ARHGAP26: variants seen among roughly 807,000 people sequenced by gnomAD.
The protein encoded by ARHGAP26 is rho GTPase-activating protein 26.
Under a neutral mutation model 104.8 loss-of-function variants are expected in ARHGAP26, and 38 were observed. That is an observed-to-expected ratio of 0.36 (90% CI 0.28 to 0.48). The LOEUF (loss-of-function observed/expected upper bound fraction) is 0.48. Among genes scored for constraint, ARHGAP26 ranks in the 20% least tolerant of loss-of-function variants. ARHGAP26 has a pLI of 0.99. For synonymous variants in ARHGAP26, 341 were observed against 340.0 expected (o/e 1.00, Z -0.03); for missense variants, 704 against 947.9 (o/e 0.74, Z 3.38).
intron 21 of ARHGAP26, among the ~76,000 whole-genome samples, chr5:143,212,571 G>T (rs1809645322): frequency 6.6e-6 from 1 of 152,042 alleles, no homozygotes; most frequent in African/African-American, 2.4e-5. Flanking sequence ...TGTTCCCAGG[G>T]GTCCCACTTC....
intron 20 of ARHGAP26, among the ~76,000 whole-genome samples, chr5:143,183,789 G>T (rs1804746113): frequency 6.6e-6 from 1 of 152,174 alleles, no homozygotes; most frequent in Admixed American, 6.5e-5. Context: ...GAGTCCTGTG[G>T]CTCCTCAGCA....
rs181441533 is a variant in ARHGAP26, at chr5:143,226,182, G to A, written c.*3736G>A. 11 of 185,658 alleles carry A rather than the reference G, an allele frequency of 5.9e-5. No homozygotes were observed. Among genetic ancestry groups the A allele is most frequent in the South Asian group, 2.0e-4 (1 of 5,120 alleles). 11.5% of individuals were successfully genotyped at this position (185,658 alleles called of 1,614,324 possible). ...TCCTTCAGGTTACTAACAAAATTTC[G>A]TAGCTAAAGAATGCCATGGCCGGGT... On this transcript the variant is annotated 3_prime_UTR_variant, in exon 23 of 23. Coordinates refer to ENST00000645722, the MANE Select transcript of ARHGAP26 (RefSeq NM_001135608.3).
chr5:143,099,225 A>C (rs983047700), intron 17 of ARHGAP26, among the ~76,000 whole-genome samples: 9 of 152,246 alleles, frequency 5.9e-5, no homozygotes, highest in African/African-American at 2.2e-4. Flanking sequence ...TAAATAGCGT[A>C]AGTTAAGCAA....
At chr5:143,151,127 A>G (rs1562513547) in intron 20 of ARHGAP26, among the ~76,000 whole-genome samples, 1 of 152,250 alleles carries the variant, frequency 6.6e-6, no homozygotes, top group Non-Finnish European at 1.5e-5. Context: ...CAGATACCTC[A>G]TCAAAAAGGA....
intron 1 of ARHGAP26, among the ~76,000 whole-genome samples, chr5:142,850,717 T>C (rs1180393133): frequency 6.6e-6 from 1 of 152,200 alleles, no homozygotes; most frequent in East Asian, 1.9e-4. Context: ...TATTTCTACC[T>C]CCTCCCTTCT....
chr5:143,198,667 A>G (rs749864629), intron 20 of ARHGAP26, among the ~76,000 whole-genome samples: 13 of 152,224 alleles, frequency 8.5e-5, no homozygotes, highest in Non-Finnish European at 1.8e-4. Context: ...GATTCGGATT[A>G]TTGACTTGGG....
rs528397839 is a variant in ARHGAP26 at position 142,986,718 on chromosome 5, T to C, written c.1108-27362T>C. On this transcript the variant is annotated intron_variant, in intron 11 of 22. Coordinates refer to ENST00000645722, the MANE Select transcript of ARHGAP26 (RefSeq NM_001135608.3). ...GAAGGGATCCAGTTTCAGCTTTCTA[T>C]ATATGGCTAGCCAGTTTTCCCAGCA... 1.7e-3 allele frequency among the ~76,000 whole-genome samples: 259 copies of C among 152,178 alleles called. 1 individual carries two copies. The highest frequency in any genetic ancestry group is 2.7e-3 in the Non-Finnish European group (184 of 67,950).
rs1339702371 is a variant in ARHGAP26, at chr5:142,770,553, C to T, written c.-209C>T. 2 of 216,608 alleles carry T rather than the reference C, an allele frequency of 9.2e-6. No individual in the cohort carries two copies. Among genetic ancestry groups the T allele is most frequent in the Non-Finnish European group, 1.7e-5 (2 of 115,540 alleles). 13.4% of individuals were successfully genotyped at this position (216,608 alleles called of 1,614,324 possible). On this transcript the variant is annotated 5_prime_UTR_variant, in exon 1 of 23. Coordinates refer to ENST00000645722, the MANE Select transcript of ARHGAP26 (RefSeq NM_001135608.3). The stretch of plus-strand genomic sequence containing the variant: ...TCGCGATCCGCTCCGTTGCCCGCGC[C>T]CGGAACAGCAGCACCTCGGCCGGGT...
intron 17 of ARHGAP26, among the ~76,000 whole-genome samples, chr5:143,110,623 G>T (rs1794666875): frequency 6.6e-6 from 1 of 152,208 alleles, no homozygotes; most frequent in Non-Finnish European, 1.5e-5. Context: ...TTTTCTAGAT[G>T]TGAGAACTAA....
intron 1 of ARHGAP26, among the ~76,000 whole-genome samples, chr5:142,783,130 T>C (rs986279122): frequency 1.3e-5 from 2 of 152,242 alleles, no homozygotes; most frequent in Admixed American, 1.3e-4. Context: ...TCTTCCTTAA[T>C]GTGCACAGCT....
intron 1 of ARHGAP26, among the ~76,000 whole-genome samples, chr5:142,836,958 A>G (rs1018173568): frequency 4.6e-5 from 7 of 152,188 alleles, no homozygotes; most frequent in Admixed American, 4.6e-4. Flanking sequence ...CAGGTTTTTC[A>G]TATTTCAAAT....
At chr5:142,866,546 G>T (rs1207859882) in intron 1 of ARHGAP26, among the ~76,000 whole-genome samples, 1 of 152,038 alleles carries the variant, frequency 6.6e-6, no homozygotes, top group Non-Finnish European at 1.5e-5. Context: ...GGTGAGTTTG[G>T]GTAGCCCAAA....
chr5:143,011,382 T>A (rs948188077), intron 11 of ARHGAP26, among the ~76,000 whole-genome samples: 57 of 151,750 alleles, frequency 3.8e-4, no homozygotes, highest in African/African-American at 1.4e-3. Flanking sequence ...ATCTGTTTAT[T>A]TCTGTTTTCT....
rs147660235 is a variant in ARHGAP26 at position 143,070,445 on chromosome 5, A to G, written c.1538+12698A>G. Among the ~76,000 whole-genome samples the G allele has an allele frequency of 1.7e-3, 258 of 152,360 alleles. 2 individuals carry two copies. The highest frequency in any genetic ancestry group is 5.9e-3 in the African/African-American group (245 of 41,578). On this transcript the variant is annotated intron_variant, in intron 17 of 22. Coordinates refer to ENST00000645722, the MANE Select transcript of ARHGAP26 (RefSeq NM_001135608.3). ...CACATACCTACGCATAAATTTAACTAAGACGATTGAAAACTTCTACAAGAG... is the reference window on the plus strand; with the variant it reads ...CACATACCTACGCATAAATTTAACTGAGACGATTGAAAACTTCTACAAGAG...
At chr5:143,087,511 C>T (rs150805346) in intron 17 of ARHGAP26, among the ~76,000 whole-genome samples, 3 of 152,218 alleles carry the variant, frequency 2.0e-5, no homozygotes, top group East Asian at 3.9e-4. Context: ...GCTCCCCATA[C>T]CCTCTCCATT....
chr5:142,922,421 A>AGT (rs3836778), intron 10 of ARHGAP26, among the ~76,000 whole-genome samples: 516 of 150,558 alleles, frequency 3.4e-3, no homozygotes, highest in East Asian at 3.9e-3. Context: ...TTGACAGAAG[A>AGT]GTGTGTGTGT....
At chr5:142,971,923 T>C (rs1295938653) in intron 11 of ARHGAP26, among the ~76,000 whole-genome samples, 2 of 152,142 alleles carry the variant, frequency 1.3e-5, no homozygotes, top group Non-Finnish European at 1.5e-5. Flanking sequence ...GGCTCACGCC[T>C]ATAATCCCAG....
At chr5:142,936,993 C>T (rs1765516731) in intron 11 of ARHGAP26, among the ~76,000 whole-genome samples, 1 of 152,036 alleles carries the variant, frequency 6.6e-6, no homozygotes, top group African/African-American at 2.4e-5. Context: ...ATACACAACC[C>T]ATAAAATAAA....
At chr5:143,187,369 GC>G (rs1805307755) in intron 20 of ARHGAP26, among the ~76,000 whole-genome samples, 2 of 152,108 alleles carry the variant, frequency 1.3e-5, no homozygotes, top group African/African-American at 4.8e-5. Context: ...AAGCTTCCAA[GC>G]CATTTTTTCC....
Sources: gnomAD v4.1 joint callset for allele counts (sites outside exome capture counted in the v4.1 genomes callset) on GRCh38, gnomAD v4.1.1 for gene constraint, MANE v1.5 for transcripts, NCBI Gene and HGNC (gene_info 2026-07-23, HGNC 2026-07-21) for gene names.